Variants in GPC5 observed in about 807,000 individuals in gnomAD.
GPC5 encodes the protein glypican-5.
Under a neutral mutation model 53.9 loss-of-function variants are expected in GPC5, and 47 were observed. That is an observed-to-expected ratio of 0.87 (90% CI 0.69 to 1.11). The LOEUF (loss-of-function observed/expected upper bound fraction) is 1.11. Ranked by LOEUF, GPC5 falls within the 50% of genes most tolerant of loss-of-function variation. The pLI, the probability that GPC5 is intolerant of heterozygous loss-of-function variation, is 0.00. For missense variants in GPC5, 748 were observed against 713.1 expected, an observed-to-expected ratio of 1.05 and a Z score of -0.56; for synonymous variants, 286 against 263.3, an observed-to-expected ratio of 1.09 and a Z score of -0.84.
In GPC5 at chr13:92,149,342, G is replaced by A. The variant is rs144050044; in HGVS notation, c.1561+4353G>A. 1.5e-3 allele frequency among the ~76,000 whole-genome samples: 221 copies of A among 152,110 alleles called. 1 individual carries two copies. The highest frequency in any genetic ancestry group is 5.1e-3 in the African/African-American group (211 of 41,532). On this transcript the variant is annotated intron_variant, in intron 7 of 7. Transcript: ENST00000377067. The stretch of plus-strand genomic sequence containing the variant: ...TCCAGTTCATAAAGCATTTCCCAGT[G>A]TAATACCTTAGGAGGTAGGAGGTAG...
At chr13:92,549,937 C>G (rs969861741) in intron 7 of GPC5, among the ~76,000 whole-genome samples, 64 of 147,314 alleles carry the variant, frequency 4.3e-4, no homozygotes, top group African/African-American at 1.6e-3. Context: ...TTTTTGTATA[C>G]TTTGGAGGCT....
chr13:92,817,092 C>T (rs1331418023), intron 7 of GPC5, among the ~76,000 whole-genome samples: 1 of 151,916 alleles, frequency 6.6e-6, no homozygotes, highest in Non-Finnish European at 1.5e-5. Context: ...ACAATGCAAT[C>T]CCTAAAAAGA....
chr13:91,675,163 A>T (rs2035353069), intron 2 of GPC5, among the ~76,000 whole-genome samples: 1 of 139,148 alleles, frequency 7.2e-6, no homozygotes, highest in African/African-American at 3.1e-5. Flanking sequence ...AACTCAGGGG[A>T]AAAAAAAACC....
At chr13:92,383,317 CT>C (rs2043765718) in intron 7 of GPC5, among the ~76,000 whole-genome samples, 1 of 152,052 alleles carries the variant, frequency 6.6e-6, no homozygotes, top group Non-Finnish European at 1.5e-5. Context: ...GATTATAGTA[CT>C]TGTTTTTAAA....
chr13:92,760,882 CT>C (rs578206635), intron 7 of GPC5, among the ~76,000 whole-genome samples: 1 of 152,036 alleles, frequency 6.6e-6, no homozygotes, highest in Non-Finnish European at 1.5e-5. Context: ...ATATTTTAAA[CT>C]TTTCCTTTTA....
intron 7 of GPC5, among the ~76,000 whole-genome samples, chr13:92,289,860 A>C (rs2042981508): frequency 1.3e-5 from 2 of 152,060 alleles, no homozygotes; most frequent in South Asian, 4.1e-4. Context: ...AAAGCTCATA[A>C]TCTGCCTAAA....
intron 2 of GPC5, among the ~76,000 whole-genome samples, chr13:91,651,943 C>T (rs922097001): frequency 2.0e-5 from 3 of 152,166 alleles, no homozygotes; most frequent in Non-Finnish European, 4.4e-5. Flanking sequence ...GTTAAGGGAA[C>T]TAGAAAGATA....
At chr13:92,668,332 G>T (rs996271004) in intron 7 of GPC5, among the ~76,000 whole-genome samples, 12 of 152,070 alleles carry the variant, frequency 7.9e-5, no homozygotes, top group Admixed American at 7.9e-4. Flanking sequence ...ACAGAAATGG[G>T]AAGACTAAAA....
intron 5 of GPC5, among the ~76,000 whole-genome samples, chr13:91,829,660 C>T (rs2038625639): frequency 6.6e-6 from 1 of 151,930 alleles, no homozygotes; most frequent in African/African-American, 2.4e-5. Context: ...CATGTAGGTT[C>T]TTTTCTATTT....
At chr13:92,364,456 C>T (rs774089370) in intron 7 of GPC5, among the ~76,000 whole-genome samples, 6 of 151,910 alleles carry the variant, frequency 3.9e-5, no homozygotes, top group Non-Finnish European at 5.9e-5. Flanking sequence ...TTTGGCCAGG[C>T]GCGGTGGCTT....
At chr13:92,516,234 A>G (rs1461351497) in intron 7 of GPC5, among the ~76,000 whole-genome samples, 1 of 152,122 alleles carries the variant, frequency 6.6e-6, no homozygotes, top group Non-Finnish European at 1.5e-5. Context: ...GAACATACTG[A>G]GGTCTACACA....
At chr13:92,615,825 CG>C (rs781131115) in intron 7 of GPC5, among the ~76,000 whole-genome samples, 1 of 152,054 alleles carries the variant, frequency 6.6e-6, no homozygotes, top group Non-Finnish European at 1.5e-5. Context: ...GAGGCCGAGG[CG>C]GGTGGATCAC....
chr13:92,363,205 A>G (rs1305961320), intron 7 of GPC5, among the ~76,000 whole-genome samples: 1 of 151,662 alleles, frequency 6.6e-6, no homozygotes, highest in Non-Finnish European at 1.5e-5. Context: ...CAATTCCCAC[A>G]GGGCTAGGAA....
intron 1 of GPC5, among the ~76,000 whole-genome samples, chr13:91,403,454 G>A (rs1223975879): frequency 6.6e-6 from 1 of 152,132 alleles, no homozygotes; most frequent in Non-Finnish European, 1.5e-5. Context: ...TTATCTAGGT[G>A]TTAGAAAGAT....
intron 7 of GPC5, among the ~76,000 whole-genome samples, chr13:92,291,519 G>A (rs552539233): frequency 2.6e-5 from 4 of 152,114 alleles, no homozygotes; most frequent in African/African-American, 4.8e-5. Context: ...GATTGTAAAC[G>A]CACCAATCAG....
chr13:92,431,742 G>T (rs1345218021), intron 7 of GPC5, among the ~76,000 whole-genome samples: 1 of 152,088 alleles, frequency 6.6e-6, no homozygotes, highest in Non-Finnish European at 1.5e-5. Flanking sequence ...AGATCACTCT[G>T]ACCATGAGTT....
At chr13:92,722,107 T>C (rs2139288139) in intron 7 of GPC5, among the ~76,000 whole-genome samples, 1 of 152,130 alleles carries the variant, frequency 6.6e-6, no homozygotes, top group Non-Finnish European at 1.5e-5. Flanking sequence ...AAAATAACAA[T>C]GCATTCTTCC....
intron 7 of GPC5, among the ~76,000 whole-genome samples, chr13:92,685,546 T>TTTTTTTTTTTTTTTA (rs1555302903): frequency 1.1e-5 from 1 of 93,688 alleles, no homozygotes; most frequent in African/African-American, 3.9e-5. Flanking sequence ...TTATGCTCAT[T>TTTTTTTTTTTTTTTA]TTTTTTTTTT....
intron 7 of GPC5, among the ~76,000 whole-genome samples, chr13:92,276,600 T>C (rs2139162453): frequency 6.6e-6 from 1 of 152,248 alleles, no homozygotes; most frequent in African/African-American, 2.4e-5. Context: ...TCATGAGTGC[T>C]AGCTTTATTA....
Sources: allele counts gnomAD v4.1 joint callset (sites outside exome capture counted in the v4.1 genomes callset), GRCh38; gene constraint gnomAD v4.1.1; transcripts MANE v1.5; gene names NCBI Gene and HGNC (gene_info 2026-07-23, HGNC 2026-07-21).